Variants in MED27 observed in about 807,000 individuals in gnomAD.
The protein encoded by MED27 is mediator complex subunit 27, also known as mediator of RNA polymerase II transcription subunit 27.
A neutral mutation model predicts 38.2 loss-of-function variants in MED27; 30 were observed. That is an observed-to-expected ratio of 0.79 (90% CI 0.59 to 1.07). The LOEUF is 1.07. Ranked by LOEUF, MED27 falls within the 50% of genes least tolerant of loss-of-function variation. MED27 has a pLI of 0.00. For synonymous variants in MED27, 122 were observed against 153.5 expected (o/e 0.79, Z 1.52); for missense variants, 289 against 397.5 (o/e 0.73, Z 2.32).
chr9:132,043,568 G>GA (rs1401574347), intron 2 of MED27, among the ~76,000 whole-genome samples: 2 of 151,448 alleles, frequency 1.3e-5, no homozygotes, highest in African/African-American at 4.9e-5. Flanking sequence ...ATTTAAAAAA[G>GA]AAAAAACCCT....
intron 6 of MED27, among the ~76,000 whole-genome samples, chr9:131,866,981 G>A (rs1013852857): frequency 1.3e-5 from 2 of 152,040 alleles, no homozygotes; most frequent in African/African-American, 2.4e-5. Context: ...CCTCTCCTTC[G>A]CGTGTTGAGG....
intron 3 of MED27, among the ~76,000 whole-genome samples, chr9:131,966,570 T>A (rs972306867): frequency 6.6e-6 from 1 of 152,040 alleles, no homozygotes; most frequent in Admixed American, 6.6e-5. Flanking sequence ...AAGTTTAAAA[T>A]GTCTTTACTT....
At chr9:131,865,020 G>T (rs2131448783) in intron 6 of MED27, among the ~76,000 whole-genome samples, 1 of 152,326 alleles carries the variant, frequency 6.6e-6, no homozygotes, top group Non-Finnish European at 1.5e-5. Flanking sequence ...CAAGGCCTTA[G>T]GATATTACCC....
intron 4 of MED27, among the ~76,000 whole-genome samples, chr9:131,915,407 G>A (rs1214243252): frequency 6.6e-6 from 1 of 152,128 alleles, no homozygotes; most frequent in Non-Finnish European, 1.5e-5. Flanking sequence ...TCAATAATGA[G>A]TCACCTTAAA....
intron 3 of MED27, among the ~76,000 whole-genome samples, chr9:131,955,638 C>T (rs912181829): frequency 5.3e-5 from 8 of 152,212 alleles, no homozygotes; most frequent in Non-Finnish European, 1.0e-4. Context: ...GACAGCTAGA[C>T]GAAGTGGATG....
At chr9:131,887,946 T>G (rs750161365) in intron 5 of MED27, among the ~76,000 whole-genome samples, 2 of 152,154 alleles carry the variant, frequency 1.3e-5, no homozygotes, top group Non-Finnish European at 2.9e-5. Flanking sequence ...AAACAAACCT[T>G]GCAGATGACC....
Position 132,025,422 on chromosome 9 carries a change from T to C in MED27, c.349-10955A>G, listed in dbSNP as rs541388952. 9.1e-4 allele frequency among the ~76,000 whole-genome samples: 139 copies of C among 152,346 alleles called. 1 individual carries two copies. Among genetic ancestry groups the C allele is most frequent in the African/African-American group, 3.0e-3 (124 of 41,582 alleles). ...GTCTCGAACTCCCAACCTCAGGTGA[T>C]CTGCCCGCCTCGACCTCCCAAAGTG... On this transcript the variant is annotated intron_variant, in intron 2 of 7. Transcript: ENST00000292035.
At chr9:132,011,151 A>G (rs1235588025) in intron 3 of MED27, among the ~76,000 whole-genome samples, 1 of 152,216 alleles carries the variant, frequency 6.6e-6, no homozygotes, top group Non-Finnish European at 1.5e-5. Context: ...ACTATATTCA[A>G]TAAAAGGTTG....
intron 3 of MED27, among the ~76,000 whole-genome samples, chr9:132,013,861 G>A (rs1832534691): frequency 6.6e-6 from 1 of 152,222 alleles, no homozygotes; most frequent in Non-Finnish European, 1.5e-5. Context: ...TGCAAATTAT[G>A]TTACCATCAT....
At chr9:131,989,035 C>G (rs150013162) in intron 3 of MED27, among the ~76,000 whole-genome samples, 2 of 152,092 alleles carry the variant, frequency 1.3e-5, no homozygotes, top group Non-Finnish European at 2.9e-5. Context: ...CACCTACCAA[C>G]CTGTCATCTA....
intron 2 of MED27, among the ~76,000 whole-genome samples, chr9:132,034,785 G>A (rs147237477): frequency 1.3e-5 from 2 of 152,174 alleles, no homozygotes; most frequent in Non-Finnish European, 2.9e-5. Flanking sequence ...CAAACAGAAA[G>A]AAACTCAAGG....
At chr9:132,073,069 A>G (rs1388164039) in intron 2 of MED27, among the ~76,000 whole-genome samples, 1 of 152,092 alleles carries the variant, frequency 6.6e-6, no homozygotes, top group Non-Finnish European at 1.5e-5. Context: ...ACTTCCACCA[A>G]GTCCCATTAG....
At chr9:132,054,656 C>T (rs545601689) in intron 2 of MED27, among the ~76,000 whole-genome samples, 19 of 152,246 alleles carry the variant, frequency 1.2e-4, no homozygotes, top group African/African-American at 4.6e-4. Flanking sequence ...GAGATCCACT[C>T]GCCTCGGCCT....
chr9:132,068,900 G>C lies in MED27; in HGVS notation c.348+8542C>G, dbSNP rs143489995. Reference sequence around the variant, plus strand: ...AACAGATGAGATGGCCCAGAGAAGGGAGAGAAGCACTAATAACCCAGCGGC... The same window carrying C: ...AACAGATGAGATGGCCCAGAGAAGGCAGAGAAGCACTAATAACCCAGCGGC... On this transcript the variant is annotated intron_variant, in intron 2 of 7. Transcript: ENST00000292035. Among the ~76,000 whole-genome samples, 802 of 152,304 alleles carry C rather than the reference G, an allele frequency of 5.3e-3. 14 individuals are homozygous for C. Among genetic ancestry groups the C allele is most frequent in the African/African-American group, 0.018 (741 of 41,570 alleles).
chr9:131,986,008 G>T (rs1234628903), intron 3 of MED27, among the ~76,000 whole-genome samples: 1 of 151,906 alleles, frequency 6.6e-6, no homozygotes, highest in African/African-American at 2.4e-5. Context: ...ATAGAAAAAA[G>T]CTTTACAGAA....
intron 3 of MED27, among the ~76,000 whole-genome samples, chr9:132,010,899 G>A (rs1444007339): frequency 4.6e-5 from 7 of 152,132 alleles, no homozygotes; most frequent in Non-Finnish European, 1.0e-4. Context: ...GGCGAAGGGG[G>A]GAGGGATAGC....
rs1169535292 is a variant in MED27, at chr9:132,051,186, T to G, written c.348+26256A>C. 1.3e-5 allele frequency among the ~76,000 whole-genome samples: 2 copies of G among 152,208 alleles called. No homozygotes were observed. Among genetic ancestry groups the G allele is most frequent in the Non-Finnish European group, 2.9e-5 (2 of 68,030 alleles). On this transcript the variant is annotated intron_variant, in intron 2 of 7. Transcript: ENST00000292035. The surrounding 1 kb of genome is among the most constrained non-coding windows in gnomAD (Gnocchi z 4.2). Reference sequence around the variant, plus strand: ...CGATAACAGTTAAAGTACATGAGATTATCAATTATTTACTGATAAATTAGA... The same window carrying G: ...CGATAACAGTTAAAGTACATGAGATGATCAATTATTTACTGATAAATTAGA...
In MED27 at chr9:131,962,555, T is replaced by G. The variant is rs556454560; in HGVS notation, c.480-23081A>C. Among the ~76,000 whole-genome samples the G allele has an allele frequency of 5.4e-5, 8 of 147,112 alleles. No homozygotes were observed. In the South Asian group the frequency reaches 6.4e-4, roughly 12 times the overall value. ...TGCCTGGCGTGTGATTTTTTTTTTT[T>G]TGTGATAGGAGTATTATATTCTGAT... On this transcript the variant is annotated intron_variant, in intron 3 of 7. Coordinates refer to ENST00000292035, the MANE Select transcript of MED27 (RefSeq NM_004269.4).
chr9:131,953,035 C>G (rs544484092), intron 3 of MED27, among the ~76,000 whole-genome samples: 1 of 152,226 alleles, frequency 6.6e-6, no homozygotes, highest in South Asian at 2.1e-4. Context: ...TTTAAACCAA[C>G]TGAAGGTAAC....
Sources: allele counts gnomAD v4.1 joint callset (sites outside exome capture counted in the v4.1 genomes callset), GRCh38; gene constraint gnomAD v4.1.1; non-coding constraint Gnocchi (gnomAD v3.1); transcripts MANE v1.5; gene names NCBI Gene and HGNC (gene_info 2026-07-23, HGNC 2026-07-21).